The following PTGR1 variants were observed in gnomAD, a reference collection of about 807,000 sequenced individuals.
The protein encoded by PTGR1 is 15-oxoprostaglandin 13-reductase.
A neutral mutation model predicts 37.7 loss-of-function variants in PTGR1; 23 were observed. That is an observed-to-expected ratio of 0.61 (90% CI 0.44 to 0.86). The LOEUF (loss-of-function observed/expected upper bound fraction) is 0.86. Ranked by LOEUF, PTGR1 falls within the 40% of genes least tolerant of loss-of-function variation. The pLI is 0.00. For missense variants in PTGR1, 351 were observed against 394.3 expected (o/e 0.89, Z 0.93); for synonymous variants, 134 against 140.0 (o/e 0.96, Z 0.30).
intron 2 of PTGR1, among the ~76,000 whole-genome samples, chr9:111,595,616 TC>T (rs1829756929): frequency 6.6e-6 from 1 of 152,144 alleles, no homozygotes; most frequent in Admixed American, 6.5e-5. Context: ...CTGTAAACAC[TC>T]CTTAGAGACT....
chr9:111,558,761 A>AT (rs1228499799), downstream of PTGR1, among the ~76,000 whole-genome samples: 2 of 151,970 alleles, frequency 1.3e-5, no homozygotes, highest in African/African-American at 4.8e-5. Context: ...ACACATACCT[A>AT]TTTTTTTGTC....
chr9:111,567,864 A>G (rs1828635632), intron 9 of PTGR1, among the ~76,000 whole-genome samples: 1 of 152,316 alleles, frequency 6.6e-6, no homozygotes, highest in Non-Finnish European at 1.5e-5. Flanking sequence ...AGAGGAACAT[A>G]AATTGTGAAG....
intron 3 of PTGR1, 134 bp from the exon 4 acceptor site, chr9:111,593,116 GC>G: frequency 1.5e-6 from 2 of 1,366,382 alleles, no homozygotes. Context: ...AGTGTATGCG[GC>G]AATAAAACCC....
rs776282913 is a variant in PTGR1, at chr9:111,574,740, G to A, written c.754C>T (p.Pro252Ser). The A allele has an allele frequency of 6.2e-6, 10 of 1,611,226 alleles. No individual in the cohort carries two copies. Among genetic ancestry groups the A allele is most frequent in the Non-Finnish European group, 8.5e-6 (10 of 1,178,368 alleles). ...GTGTGCATGTGCTCATTACCTGGGG[G>A]AAGTGGGCCGGTTCTGTTATATGTA... ...ISTYNRTGPL[P>S]PGPPPEIVIY... The change falls in exon 8 of 10, where the codon CCC (proline) becomes TCC (serine). Residue 252 changes from proline (P) to serine (S), a missense_variant. Coordinates refer to ENST00000407693, the MANE Select transcript of PTGR1 (RefSeq NM_001146108.2).
At chr9:111,595,790 C>T (rs570626176) in intron 2 of PTGR1, among the ~76,000 whole-genome samples, 1 of 152,124 alleles carries the variant, frequency 6.6e-6, no homozygotes, top group Non-Finnish European at 1.5e-5. Flanking sequence ...CTCACCACCA[C>T]ACCCAGCTAA....
chr9:111,584,616 TA>T (rs1280173746), intron 5 of PTGR1, among the ~76,000 whole-genome samples: 1 of 151,022 alleles, frequency 6.6e-6, no homozygotes, highest in Non-Finnish European at 1.5e-5. Context: ...TTCAAAGTTG[TA>T]AAAAAGGAAA....
Position 111,578,827 on chromosome 9 carries a change from G to GAA in PTGR1, c.619_620insTT (p.Ser207PhefsTer13), listed in dbSNP as rs748189829. On this transcript the variant is annotated frameshift_variant, in exon 7 of 10. Transcript: ENST00000407693. LOFTEE classifies it high-confidence loss of function. ...AAAATAACAATCATAACCATCAGGAGACGCTTTCTTCAAGGTTTCTTCCAA... is the reference window on the plus strand; with the variant it reads ...AAAATAACAATCATAACCATCAGGAGAAACGCTTTCTTCAAGGTTTCTTCCAA... The GAA allele has an allele frequency of 1.2e-6, 2 of 1,606,770 alleles. No homozygotes were observed. The highest frequency in any genetic ancestry group is 2.7e-5 in the African/African-American group (2 of 74,262).
chr9:111,579,008 C>T (rs998407119), intron 6 of PTGR1, 57 bp from the exon 7 acceptor site: 10 of 1,503,228 alleles, frequency 6.7e-6, no homozygotes, highest in Middle Eastern at 1.8e-4. Context: ...CATGGACCAA[C>T]ACTACTTTCC....
intron 6 of PTGR1, among the ~76,000 whole-genome samples, chr9:111,580,923 C>T (rs757698354): frequency 1.3e-5 from 2 of 152,138 alleles, no homozygotes; most frequent in African/African-American, 4.8e-5. Context: ...AAAGCAGAAC[C>T]AATCATGTTA....
chr9:111,566,121 C>T (rs930048554), intron 9 of PTGR1, among the ~76,000 whole-genome samples: 1 of 151,950 alleles, frequency 6.6e-6, no homozygotes, highest in Non-Finnish European at 1.5e-5. Flanking sequence ...GAGAATCACT[C>T]GAACCCAGGA....
chr9:111,552,281 A>G (rs562307311), intron 9 of PTGR1, among the ~76,000 whole-genome samples: 4 of 150,864 alleles, frequency 2.7e-5, no homozygotes, highest in Admixed American at 2.0e-4. Flanking sequence ...CATTAGATAC[A>G]TTGTCTTTTT....
At chr9:111,554,046 C>G (rs1026484562) in intron 9 of PTGR1, among the ~76,000 whole-genome samples, 1 of 152,228 alleles carries the variant, frequency 6.6e-6, no homozygotes, top group African/African-American at 2.4e-5. Context: ...CTGAGAACCA[C>G]AGGTTTCAAA....
At chr9:111,566,617 C>T (rs1828573207) in intron 9 of PTGR1, among the ~76,000 whole-genome samples, 1 of 152,160 alleles carries the variant, frequency 6.6e-6, no homozygotes, top group African/African-American at 2.4e-5. Flanking sequence ...AAGGGATTGT[C>T]TTATTTGCTA....
intron 8 of PTGR1, among the ~76,000 whole-genome samples, chr9:111,571,055 T>C (rs72748042): frequency 0.027 from 3,588 of 132,962 alleles, 264 homozygotes; most frequent in South Asian, 0.042. Flanking sequence ...GATTCTCCTC[T>C]AGCATCTTCA....
rs929219526 is a variant in PTGR1, at chr9:111,552,013, A to G, written c.880-2214T>C. 1.1e-4 allele frequency among the ~76,000 whole-genome samples: 16 copies of G among 152,158 alleles called. 1 individual carries two copies. Among genetic ancestry groups the G allele is most frequent in the Non-Finnish European group, 1.5e-5 (1 of 68,022 alleles). ...TTTATTTGTATTATGAAATGTTTCT[A>G]TTGTAAATAAATTCTTTTACCTGTC... On this transcript the variant is annotated intron_variant, in intron 9 of 9. Transcript: ENST00000538962.
At chr9:111,579,036 G>C (rs1829186291) in intron 6 of PTGR1, 85 bp from the exon 7 acceptor site, 1 of 1,337,496 alleles carries the variant, frequency 7.5e-7, no homozygotes. Flanking sequence ...GTATGCCTAG[G>C]TTCCCTAGGA....
chr9:111,596,837 G>T lies in PTGR1; in HGVS notation c.106+480C>A, dbSNP rs901249936. On this transcript the variant is annotated intron_variant, in intron 2 of 9. Transcript: ENST00000407693. Reference sequence around the variant, plus strand: ...AGCTACTCAGGAGGCTGAGGCAAGAGAATCGCTTGGACCCAGAAGGCAGAG... The same window carrying T: ...AGCTACTCAGGAGGCTGAGGCAAGATAATCGCTTGGACCCAGAAGGCAGAG... Among the ~76,000 whole-genome samples, 18 of 142,356 alleles carry T rather than the reference G, an allele frequency of 1.3e-4. No individual in the cohort carries two copies. In the East Asian group the frequency reaches 3.8e-3, roughly 30 times the overall value. 93.4% of individuals were successfully genotyped at this position (142,356 alleles called of 152,430 possible).
At chr9:111,593,532 A>G (rs1458477500) in intron 3 of PTGR1, among the ~76,000 whole-genome samples, 2 of 152,346 alleles carry the variant, frequency 1.3e-5, no homozygotes, top group Admixed American at 6.5e-5. Flanking sequence ...TGCTGAGTAT[A>G]TAAGTTTGAG....
At chr9:111,563,424 C>A (rs530909530) in intron 9 of PTGR1, 193 bp from the exon 10 acceptor site, 26 of 489,284 alleles carry the variant, frequency 5.3e-5, no homozygotes, top group African/African-American at 4.8e-4. Flanking sequence ...AAAAAGATTA[C>A]AAAGTACACC....
Sources: allele counts gnomAD v4.1 joint callset (sites outside exome capture counted in the v4.1 genomes callset), GRCh38; gene constraint gnomAD v4.1.1; transcripts MANE v1.5; gene names NCBI Gene and HGNC (gene_info 2026-07-23, HGNC 2026-07-21).